VAT1L: variants seen among roughly 807,000 people sequenced by gnomAD.
VAT1L encodes putative NADPH-dependent quinone oxidoreductase VAT1L.
VAT1L carries 34 observed loss-of-function variants against 44.1 expected under a neutral mutation model. The ratio of observed to expected loss-of-function variants is 0.77; its 90% confidence interval spans 0.59 to 1.03. VAT1L has a LOEUF of 1.03. VAT1L is among the 50% of genes least tolerant of loss of function. The pLI is 0.00. For synonymous variants in VAT1L, 253 were observed against 202.2 expected, an observed-to-expected ratio of 1.25 and a Z score of -2.13; for missense variants, 615 against 538.8, an observed-to-expected ratio of 1.14 and a Z score of -1.40.
intron 7 of VAT1L, among the ~76,000 whole-genome samples, chr16:77,919,730 G>A (rs1478196493): frequency 6.6e-6 from 1 of 152,180 alleles, no homozygotes. Flanking sequence ...CAGAAATTCA[G>A]AATTCACAGA....
intron 7 of VAT1L, among the ~76,000 whole-genome samples, chr16:77,933,212 A>C (rs2142504108): frequency 6.6e-6 from 1 of 152,236 alleles, no homozygotes. Context: ...CTTATAGTAA[A>C]CCCCTATCTT....
At chr16:77,828,852 C>G (rs1009567947) in intron 3 of VAT1L, among the ~76,000 whole-genome samples, 13 of 152,060 alleles carry the variant, frequency 8.5e-5, no homozygotes, top group African/African-American at 2.7e-4. Context: ...GGAATACAAC[C>G]CTGCTAAGAC....
At chr16:77,790,366 A>G (rs181258787) in intron 1 of VAT1L, among the ~76,000 whole-genome samples, 6 of 152,266 alleles carry the variant, frequency 3.9e-5, no homozygotes, top group Admixed American at 2.6e-4. Context: ...AGGAGAGCTT[A>G]TATCTGCCCT....
At chr16:77,957,400 T>C (rs1408403577) in intron 7 of VAT1L, among the ~76,000 whole-genome samples, 1 of 152,184 alleles carries the variant, frequency 6.6e-6, no homozygotes, top group Non-Finnish European at 1.5e-5. Context: ...TTGAGGGTTT[T>C]GTTGAAAGAT....
chr16:77,949,210 G>C (rs749330205), intron 7 of VAT1L, among the ~76,000 whole-genome samples: 2 of 152,168 alleles, frequency 1.3e-5, no homozygotes, highest in Admixed American at 1.3e-4. Context: ...CACACGTGGA[G>C]ATTAGAGCCA....
intron 3 of VAT1L, among the ~76,000 whole-genome samples, chr16:77,843,822 C>T (rs1192267658): frequency 2.0e-5 from 3 of 152,188 alleles, no homozygotes; most frequent in Non-Finnish European, 4.4e-5. Context: ...GCCATGCGAC[C>T]CCACAGCATG....
intron 3 of VAT1L, among the ~76,000 whole-genome samples, chr16:77,835,765 C>G (rs1432022158): frequency 2.2e-4 from 33 of 151,974 alleles, no homozygotes; most frequent in Admixed American, 2.2e-3. Context: ...CCCAGCTACT[C>G]AGGAGGCTGA....
At chr16:77,941,663 G>A (rs541167290) in intron 7 of VAT1L, among the ~76,000 whole-genome samples, 9 of 152,216 alleles carry the variant, frequency 5.9e-5, no homozygotes, top group African/African-American at 2.2e-4. Context: ...TTGGCTCGCT[G>A]CAACCTCCAG....
At chr16:77,926,582 C>CA (rs1567510550) in intron 7 of VAT1L, among the ~76,000 whole-genome samples, 1 of 151,898 alleles carries the variant, frequency 6.6e-6, no homozygotes, top group Non-Finnish European at 1.5e-5. Flanking sequence ...GACTCCATCT[C>CA]AAAAAAAGTA....
intron 7 of VAT1L, chr16:77,892,974 G>C (rs2017284121): frequency 1.4e-6 from 1 of 693,408 alleles, no homozygotes. Flanking sequence ...GCTCAGGAGG[G>C]TACCCTCCAT....
chr16:77,950,046 T>C (rs966573982), intron 7 of VAT1L, among the ~76,000 whole-genome samples: 24 of 152,196 alleles, frequency 1.6e-4, no homozygotes, highest in Non-Finnish European at 1.6e-4. Flanking sequence ...GAGCTGGTGG[T>C]TGCCTCATAA....
At chr16:77,946,276 G>GTTTTTTTTTT (rs1597114758) in intron 7 of VAT1L, among the ~76,000 whole-genome samples, 22 of 33,842 alleles carry the variant, frequency 6.5e-4, no homozygotes, top group South Asian at 1.2e-3. Flanking sequence ...TAGGTTACTT[G>GTTTTTTTTTT]TTCTTTTTTT....
intron 5 of VAT1L, among the ~76,000 whole-genome samples, chr16:77,878,748 A>G (rs866172111): frequency 3.3e-5 from 5 of 152,116 alleles, no homozygotes; most frequent in African/African-American, 1.2e-4. Flanking sequence ...CCATTTAGGT[A>G]CCCAGTCCAG....
At chr16:77,839,076 G>A (rs1391603751) in intron 3 of VAT1L, among the ~76,000 whole-genome samples, 2 of 152,116 alleles carry the variant, frequency 1.3e-5, no homozygotes, top group Non-Finnish European at 2.9e-5. Flanking sequence ...ATTGGTACTA[G>A]AGGGAGGAGT....
intron 4 of VAT1L, among the ~76,000 whole-genome samples, chr16:77,869,700 T>C (rs1024073383): frequency 6.6e-6 from 1 of 151,920 alleles, no homozygotes; most frequent in Non-Finnish European, 1.5e-5. Flanking sequence ...ACTTCGAGCA[T>C]TTTCCAAATG....
chr16:77,887,776 C>G (rs1383716099), intron 7 of VAT1L, among the ~76,000 whole-genome samples: 1 of 152,232 alleles, frequency 6.6e-6, no homozygotes, highest in Non-Finnish European at 1.5e-5. Flanking sequence ...CTTCTTCCAT[C>G]TTTATTCTTA....
At chr16:77,809,946 C>A (rs983077663) in intron 1 of VAT1L, among the ~76,000 whole-genome samples, 4 of 152,180 alleles carry the variant, frequency 2.6e-5, no homozygotes, top group East Asian at 1.9e-4. Context: ...AAGCTCGTGT[C>A]ATGATAACCA....
At chr16:77,793,784 G>A (rs2015878798) in intron 1 of VAT1L, among the ~76,000 whole-genome samples, 1 of 152,176 alleles carries the variant, frequency 6.6e-6, no homozygotes, top group African/African-American at 2.4e-5. Flanking sequence ...TGGGCTGAGG[G>A]CAGGCCACAT....
intron 3 of VAT1L, among the ~76,000 whole-genome samples, chr16:77,840,370 T>C (rs983806558): frequency 6.6e-6 from 1 of 152,234 alleles, no homozygotes; most frequent in African/African-American, 2.4e-5. Flanking sequence ...CTTCCCCTTT[T>C]AAACATCTCT....
Sources: gnomAD v4.1 joint callset for allele counts (sites outside exome capture counted in the v4.1 genomes callset) on GRCh38, gnomAD v4.1.1 for gene constraint, MANE v1.5 for transcripts, NCBI Gene and HGNC (gene_info 2026-07-23, HGNC 2026-07-21) for gene names.